EDDM13: variants seen among roughly 807,000 people sequenced by gnomAD.
The protein encoded by EDDM13 is epididymal protein 13.
A neutral mutation model predicts 17.8 loss-of-function variants in EDDM13; 24 were observed. The ratio of observed to expected loss-of-function variants is 1.35; its 90% CI spans 0.98 to 1.90. The LOEUF (loss-of-function observed/expected upper bound fraction) is 1.90. EDDM13 is among the 40% of genes most tolerant of loss of function. The probability of loss-of-function intolerance (pLI) is 0.00; values close to 1 mark genes in which losing one functional copy is unlikely to be tolerated. For missense variants in EDDM13, 97 were observed against 100.8 expected (o/e 0.96, Z 0.16); for synonymous variants, 31 against 37.5 (o/e 0.83, Z 0.63).
chr19:56,308,069 C>T (rs148782531), intron 14 of EDDM13, among the ~76,000 whole-genome samples: 1 of 152,396 alleles, frequency 6.6e-6, no homozygotes, highest in Non-Finnish European at 1.5e-5. Flanking sequence ...GGGTCTCGCT[C>T]TGTCGCCAGG....
At chr19:56,310,024 G>C (rs1352009076) in intron 14 of EDDM13, 100 bp from the exon 15 acceptor site, 1 of 152,404 alleles carries the variant, frequency 6.6e-6, no homozygotes, top group African/African-American at 2.4e-5. Flanking sequence ...AGGTCACAAA[G>C]AGCCCTGTAG....
At position 56,290,791 on chromosome 19, in the gene EDDM13, A is replaced by C. The variant is rs2039459560; in HGVS notation, c.227-50A>C. On this transcript the variant is annotated intron_variant, in intron 8 of 14. Coordinates refer to ENST00000649256, the MANE Select transcript of EDDM13 (RefSeq NM_001354658.2). ...TACTGCTGATTCTATTCTCTTGCTC[A>C]CTCTTCTCCACACTGACTCCCCGAA... Among the ~76,000 whole-genome samples the C allele has an allele frequency of 2.0e-5, 3 of 151,956 alleles. No individual in the cohort carries two copies. The South Asian group carries it at 6.2e-4, about 32-fold the overall frequency.
chr19:56,298,588 A>G (rs1401021833), intron 12 of EDDM13, among the ~76,000 whole-genome samples: 4 of 151,318 alleles, frequency 2.6e-5, no homozygotes, highest in African/African-American at 9.7e-5. Context: ...GGGAGGCGGA[A>G]GCTGCAGTGA....
At chr19:56,302,299 T>C (rs1203742614) in intron 13 of EDDM13, among the ~76,000 whole-genome samples, 1 of 150,046 alleles carries the variant, frequency 6.7e-6, no homozygotes, top group Non-Finnish European at 1.5e-5. Context: ...TCTCTCCTTC[T>C]TCCCTCTTTT....
At chr19:56,298,127 C>G (rs893545313) in intron 12 of EDDM13, 1 of 148,356 alleles carries the variant, frequency 6.7e-6, no homozygotes, top group East Asian at 2.0e-4. Context: ...AAGCGTAATA[C>G]AAATTTAATC....
chr19:56,301,913 T>C, intron 12 of EDDM13, 55 bp from the exon 13 acceptor site: 1 of 1,231,822 alleles, frequency 8.1e-7, no homozygotes, highest in Non-Finnish European at 1.0e-6. Flanking sequence ...GACAGGAAGC[T>C]CTAAGGCAGG....
At chr19:56,297,596 G>A in intron 12 of EDDM13, 65 bp downstream of exon 12, 2 of 893,416 alleles carry the variant, frequency 2.2e-6, no homozygotes, top group South Asian at 5.1e-5. Flanking sequence ...TCTGGGCTAT[G>A]ATAAAGCCTT....
intron 9 of EDDM13, among the ~76,000 whole-genome samples, chr19:56,292,221 T>A (rs16987170): frequency 6.6e-6 from 1 of 152,120 alleles, no homozygotes; most frequent in African/African-American, 2.4e-5. Context: ...GTGGGTAACA[T>A]ACATCTTTTA....
rs531094252 is a variant in EDDM13 at position 56,288,453 on chromosome 19, C to T, written c.208+15C>T. ...GTCCCCGCAAGGTTAGCAACCATCACCCCCTTATAGGTTCCCATGGAACCC... is the reference window on the plus strand; with the variant it reads ...GTCCCCGCAAGGTTAGCAACCATCATCCCCTTATAGGTTCCCATGGAACCC... On this transcript the variant is annotated intron_variant, in intron 7 of 14. Transcript: ENST00000649256. Among the ~76,000 whole-genome samples the T allele has an allele frequency of 1.9e-4, 29 of 152,314 alleles. No homozygotes were observed. Among genetic ancestry groups the T allele is most frequent in the African/African-American group, 5.8e-4 (24 of 41,550 alleles).
chr19:56,302,585 T>TTCTTCCTCTCCCTC (rs2040385399), intron 13 of EDDM13, among the ~76,000 whole-genome samples: 1 of 43,750 alleles, frequency 2.3e-5, no homozygotes, highest in Non-Finnish European at 3.7e-5. Flanking sequence ...TCCTCCCCCT[T>TTCTTCCTCTCCCTC]TTCTTCCTCT....
intron 1 of EDDM13, among the ~76,000 whole-genome samples, chr19:56,273,944 G>C (rs983323060): frequency 5.9e-5 from 9 of 152,164 alleles, no homozygotes; most frequent in Non-Finnish European, 1.0e-4. Flanking sequence ...GTGGGAATCA[G>C]ATTAGGGGCA....
At chr19:56,289,620 T>C (rs903427442) in intron 8 of EDDM13, among the ~76,000 whole-genome samples, 1 of 152,118 alleles carries the variant, frequency 6.6e-6, no homozygotes, top group African/African-American at 2.4e-5. Context: ...TTGTTTGTTT[T>C]TGGGTTTTTT....
chr19:56,299,478 G>A (rs2040091487), intron 12 of EDDM13, among the ~76,000 whole-genome samples: 1 of 151,840 alleles, frequency 6.6e-6, no homozygotes, highest in African/African-American at 2.4e-5. Flanking sequence ...GCTAGGAGTA[G>A]AGAGAACAGC....
intron 1 of EDDM13, among the ~76,000 whole-genome samples, chr19:56,275,847 C>A (rs926375592): frequency 6.6e-6 from 1 of 152,158 alleles, no homozygotes; most frequent in African/African-American, 2.4e-5. Flanking sequence ...GGGCCAATGC[C>A]CAGAGCATGT....
At chr19:56,296,271 CT>C (rs1208995937) in intron 10 of EDDM13, 64 bp from the exon 11 acceptor site, 1 of 152,310 alleles carries the variant, frequency 6.6e-6, no homozygotes, top group Non-Finnish European at 1.5e-5. Context: ...GCTGGACCTG[CT>C]GGTCTGGAAG....
intron 5 of EDDM13, among the ~76,000 whole-genome samples, 198 bp downstream of exon 5, chr19:56,284,404 G>T (rs1241465228): frequency 2.6e-5 from 4 of 152,038 alleles, no homozygotes; most frequent in African/African-American, 9.7e-5. Context: ...TTGGGTGATG[G>T]GAGCCCAGAA....
intron 3 of EDDM13, among the ~76,000 whole-genome samples, chr19:56,282,127 G>A (rs574294684): frequency 5.3e-4 from 81 of 152,252 alleles, no homozygotes; most frequent in African/African-American, 1.4e-3. Flanking sequence ...TGGGTAAGAC[G>A]TCTTCCTTTC....
intron 12 of EDDM13, among the ~76,000 whole-genome samples, chr19:56,300,307 G>A (rs1330062521): frequency 3.3e-5 from 5 of 152,242 alleles, no homozygotes; most frequent in Middle Eastern, 3.4e-3. Context: ...ACAACAGCTA[G>A]TCCTCAAGTT....
At chr19:56,283,804 C>CA (rs2038897167) in intron 4 of EDDM13, 1 of 152,206 alleles carries the variant, frequency 6.6e-6, no homozygotes, top group East Asian at 1.9e-4. Flanking sequence ...TATCTGATCT[C>CA]AAAGGGCTGG....
Sources: allele counts gnomAD v4.1 joint callset (sites outside exome capture counted in the v4.1 genomes callset), GRCh38; gene constraint gnomAD v4.1.1; transcripts MANE v1.5; gene names NCBI Gene and HGNC (gene_info 2026-07-23, HGNC 2026-07-21).